The following SHLD2 variants were observed in gnomAD, a reference collection of about 807,000 sequenced individuals.
SHLD2 encodes shieldin complex subunit 2, also known as RINN1-REV7-interacting novel NHEJ regulator 2.
Under a neutral mutation model 73.2 loss-of-function variants are expected in SHLD2, and 30 were observed. That is an observed-to-expected ratio of 0.41 (90% CI 0.31 to 0.56). The LOEUF is 0.56. Among genes scored for constraint, SHLD2 ranks in the 20% least tolerant of loss-of-function variants. The pLI is 0.28. For synonymous variants in SHLD2, 285 were observed against 370.1 expected, an observed-to-expected ratio of 0.77 and a Z score of 2.64; for missense variants, 745 against 1,055.9, an observed-to-expected ratio of 0.71 and a Z score of 4.08.
At chr10:87,146,854 C>G (rs1404700678) in intron 2 of SHLD2, among the ~76,000 whole-genome samples, 1 of 151,474 alleles carries the variant, frequency 6.6e-6, no homozygotes, top group African/African-American at 2.4e-5. Context: ...GTTGGGAGTT[C>G]GAGACCAGCC....
intron 2 of SHLD2, among the ~76,000 whole-genome samples, chr10:87,146,023 C>A (rs1845581535): frequency 6.6e-6 from 1 of 152,194 alleles, no homozygotes; most frequent in East Asian, 1.9e-4. Context: ...CACATACTCA[C>A]AACTCCTATA....
At chr10:87,130,178 C>G (rs1844325774) in intron 2 of SHLD2, among the ~76,000 whole-genome samples, 2 of 151,940 alleles carry the variant, frequency 1.3e-5, no homozygotes, top group South Asian at 4.2e-4. Flanking sequence ...GCTCTTAGTA[C>G]CTCATTGGTA....
intron 2 of SHLD2, among the ~76,000 whole-genome samples, chr10:87,146,452 C>T (rs1301697219): frequency 6.6e-6 from 1 of 152,002 alleles, no homozygotes; most frequent in Non-Finnish European, 1.5e-5. Context: ...TGCCATCACT[C>T]CAAGCTAATT....
intron 2 of SHLD2, among the ~76,000 whole-genome samples, chr10:87,100,377 G>GA (rs2133928956): frequency 6.6e-6 from 1 of 151,932 alleles, no homozygotes; most frequent in East Asian, 1.9e-4. Flanking sequence ...CACACTCTAT[G>GA]AAAAATAAAT....
At chr10:87,127,658 G>A (rs1376907737) in intron 2 of SHLD2, among the ~76,000 whole-genome samples, 2 of 150,974 alleles carry the variant, frequency 1.3e-5, no homozygotes, top group Non-Finnish European at 2.9e-5. Flanking sequence ...CAAGATCATT[G>A]TGACAGTGAA....
chr10:87,135,645 C>T (rs1844748195), intron 2 of SHLD2, among the ~76,000 whole-genome samples: 1 of 150,576 alleles, frequency 6.6e-6, no homozygotes, highest in African/African-American at 2.4e-5. Context: ...AGATGCATGC[C>T]ACCACACCTG....
chr10:87,170,899 G>A lies in SHLD2; in HGVS notation c.1888G>A (p.Ala630Thr). Reference sequence around the variant, plus strand: ...AAAAGTTATGTTAACAGTGGAACAGGCCCAAGATCAACATTATGCGCTTGT... The same window carrying A: ...AAAAGTTATGTTAACAGTGGAACAGACCCAAGATCAACATTATGCGCTTGT... ...QKKVMLTVEQ[A>T]QDQHYALVLW... Residue 630 changes from alanine to threonine, a missense_variant, in exon 6 of 10, where the codon GCC (alanine) becomes ACC (threonine). This residue lies in a region of SHLD2 where 418 missense variants were observed against 567.8 expected (regional missense o/e 0.74). Transcript: ENST00000298786. 6.2e-7 allele frequency: 1 copy of A among 1,608,924 alleles called. No individual in the cohort carries two copies. The highest frequency in any genetic ancestry group is 8.5e-7 in the Non-Finnish European group (1 of 1,178,062).
At chr10:87,190,312 G>A (rs548745513) in intron 9 of SHLD2, among the ~76,000 whole-genome samples, 172 bp from the exon 10 acceptor site, 3 of 152,274 alleles carry the variant, frequency 2.0e-5, no homozygotes, top group Non-Finnish European at 4.4e-5. Flanking sequence ...GGCTGCCTCC[G>A]TCTCCCAGAG....
intron 2 of SHLD2, among the ~76,000 whole-genome samples, chr10:87,097,353 G>T (rs1360707843): frequency 6.6e-6 from 1 of 152,200 alleles, no homozygotes; most frequent in African/African-American, 2.4e-5. Flanking sequence ...TTGAGGTCAG[G>T]AGTTCGAGAC....
intron 2 of SHLD2, among the ~76,000 whole-genome samples, chr10:87,126,302 A>G (rs1056724608): frequency 6.6e-6 from 1 of 151,914 alleles, no homozygotes; most frequent in African/African-American, 2.4e-5. Flanking sequence ...CTGGTTTCGA[A>G]CTCCTAGGCT....
intron 3 of SHLD2, among the ~76,000 whole-genome samples, chr10:87,155,642 C>T (rs1445093340): frequency 8.6e-5 from 13 of 151,400 alleles, no homozygotes; most frequent in Non-Finnish European, 1.5e-4. Context: ...GGACCATGGT[C>T]ATTTTACCGA....
At position 87,187,117 on chromosome 10, in the gene SHLD2, A is replaced by T. The variant is rs943166378; in HGVS notation, c.2432A>T (p.His811Leu). The T allele has an allele frequency of 1.2e-6, 2 of 1,613,388 alleles. No homozygotes were observed. The highest frequency in any genetic ancestry group is 2.7e-5 in the African/African-American group (2 of 74,910). Residue 811 changes from histidine to leucine, a missense_variant, in exon 9 of 10, where the codon CAT becomes CTT. Coordinates refer to ENST00000298786, the MANE Select transcript of SHLD2 (RefSeq NM_001330112.2). ...TTAATGACTGCCATTGATGGAAGAC[A>T]TGATGTTTGTATCCGTGTAGAATCA... Reference protein sequence around the residue: ...PALMTAIDGRHDVCIRVESKL... With the variant: ...PALMTAIDGRLDVCIRVESKL...
chr10:87,103,002 G>C (rs2133946619), intron 2 of SHLD2, among the ~76,000 whole-genome samples: 1 of 152,146 alleles, frequency 6.6e-6, no homozygotes, highest in Non-Finnish European at 1.5e-5. Flanking sequence ...ACGAGGTCAA[G>C]AGATCAAGAC....
At chr10:87,146,595 G>T (rs1845625750) in intron 2 of SHLD2, among the ~76,000 whole-genome samples, 1 of 146,360 alleles carries the variant, frequency 6.8e-6, no homozygotes, top group Non-Finnish European at 1.5e-5. Flanking sequence ...CGCCCAGCCT[G>T]CGATTTTTTT....
At chr10:87,128,236 A>G (rs538722384) in intron 2 of SHLD2, among the ~76,000 whole-genome samples, 84 of 152,380 alleles carry the variant, frequency 5.5e-4, no homozygotes, top group African/African-American at 1.8e-3. Context: ...GAAACATTTA[A>G]AAAATTGATT....
intron 9 of SHLD2, among the ~76,000 whole-genome samples, chr10:87,189,189 T>C (rs554975073): frequency 6.6e-6 from 1 of 152,136 alleles, no homozygotes; most frequent in Non-Finnish European, 1.5e-5. Context: ...TTAGTAGATA[T>C]GGGGTTTCTC....
At chr10:87,155,089 C>T (rs534395260) in intron 3 of SHLD2, among the ~76,000 whole-genome samples, 3 of 152,186 alleles carry the variant, frequency 2.0e-5, no homozygotes, top group South Asian at 2.1e-4. Flanking sequence ...CGCCTGCCAC[C>T]GCGCGCGGCT....
intron 8 of SHLD2, among the ~76,000 whole-genome samples, chr10:87,186,339 G>A (rs1199222528): frequency 1.3e-5 from 2 of 152,194 alleles, no homozygotes; most frequent in Admixed American, 6.5e-5. Context: ...AATCAATGTA[G>A]TTATAAAATA....
intron 2 of SHLD2, among the ~76,000 whole-genome samples, chr10:87,141,115 C>G (rs1378214680): frequency 7.1e-6 from 1 of 140,300 alleles, no homozygotes; most frequent in Non-Finnish European, 1.5e-5. Context: ...CCCTGTCTCT[C>G]AAAAAAAAAA....
Sources: allele counts gnomAD v4.1 joint callset (sites outside exome capture counted in the v4.1 genomes callset), GRCh38; gene constraint gnomAD v4.1.1; regional missense constraint gnomAD v4.1.1; transcripts MANE v1.5; gene names NCBI Gene and HGNC (gene_info 2026-07-23, HGNC 2026-07-21).